Variants in C9orf43 observed in about 807,000 individuals in gnomAD.
C9orf43 encodes the protein chromosome 9 open reading frame 43.
In C9orf43, 45 loss-of-function variants were observed where a neutral mutation model predicts 59.1. The ratio of observed to expected loss-of-function variants is 0.76; its 90% CI spans 0.60 to 0.98. C9orf43 has a LOEUF of 0.98. Ranked by LOEUF, C9orf43 falls within the 50% of genes least tolerant of loss-of-function variation. The pLI is 0.00. For synonymous variants in C9orf43, 203 were observed against 196.8 expected, an observed-to-expected ratio of 1.03 and a Z score of -0.26; for missense variants, 533 against 554.9, an observed-to-expected ratio of 0.96 and a Z score of 0.40.
At chr9:113,416,899 T>C (rs1828380311) in intron 3 of C9orf43, among the ~76,000 whole-genome samples, 1 of 152,204 alleles carries the variant, frequency 6.6e-6, no homozygotes, top group Non-Finnish European at 1.5e-5. Context: ...TGTTGAGAAA[T>C]ACTGCCCTAG....
intron 1 of C9orf43, among the ~76,000 whole-genome samples, chr9:113,412,656 A>G (rs1828212915): frequency 6.6e-6 from 1 of 152,230 alleles, no homozygotes; most frequent in Non-Finnish European, 1.5e-5. Flanking sequence ...CTACTTAGGG[A>G]TTCCCTGCCT....
chr9:113,425,164 A>C, intron 9 of C9orf43, 88 bp downstream of exon 9: 1 of 1,481,602 alleles, frequency 6.7e-7, no homozygotes, highest in Non-Finnish European at 9.4e-7. Context: ...ATTCAGTTAT[A>C]TTTGTGGCCA....
chr9:113,415,587 A>G (rs1243816249), intron 3 of C9orf43, among the ~76,000 whole-genome samples: 2 of 152,168 alleles, frequency 1.3e-5, no homozygotes, highest in Non-Finnish European at 1.5e-5. Flanking sequence ...GTGAGCCACC[A>G]TGCCCGGCCC....
chr9:113,428,251 G>T (rs41297197), intron 12 of C9orf43, 28 bp downstream of exon 12: 50,127 of 1,601,938 alleles, frequency 0.031, 936 homozygotes, highest in Non-Finnish European at 0.036. Context: ...CCTCTGCTAG[G>T]ACCCAGTTTC....
rs1415415064 is a variant in C9orf43, at chr9:113,428,339, G to A, written c.1107+116G>A. On this transcript the variant is annotated intron_variant, in intron 12 of 13. Coordinates refer to ENST00000374165, the MANE Select transcript of C9orf43 (RefSeq NM_001278629.2). ...TTGCTAATGATTCTGTGGGTTGACT[G>A]GACAGTTGTTCTTCTCCTGCTTGAG... 7 of 1,032,454 alleles carry A rather than the reference G, an allele frequency of 6.8e-6. No individual in the cohort carries two copies. In the Admixed American group the frequency reaches 1.4e-4, roughly 20 times the overall value. 64.0% of individuals were successfully genotyped at this position (1,032,454 alleles called of 1,614,324 possible). A position where few individuals can be genotyped will look rare whatever the true frequency, so the allele number is the denominator to read the frequency against.
At chr9:113,413,399 G>T in intron 1 of C9orf43, 46 bp from the exon 2 acceptor site, 1 of 1,473,018 alleles carries the variant, frequency 6.8e-7, no homozygotes, top group Non-Finnish European at 9.1e-7. Context: ...TGGACTGTAT[G>T]GCTAATGTAT....
rs1828245884 is a variant in C9orf43 at position 113,413,460 on chromosome 9, C to T, written c.-34C>T. On this transcript the variant is annotated 5_prime_UTR_variant, in exon 2 of 14. An upstream open reading frame in the 5' UTR gains an earlier in-frame stop. Coordinates refer to ENST00000374165, the MANE Select transcript of C9orf43 (RefSeq NM_001278629.2). ...GATTTTCCAGAGCACTAGAATGCTG[C>T]AGGGTTGGCCTTTGGCCTAAACCAT... The T allele has an allele frequency of 6.3e-7, 1 of 1,596,270 alleles. No individual in the cohort carries two copies. The highest frequency in any genetic ancestry group is 1.3e-5 in the African/African-American group (1 of 74,602).
At position 113,413,879 on chromosome 9, in the gene C9orf43, C is replaced by G. The variant is rs767216305; in HGVS notation, c.272C>G (p.Ser91Cys). 1 of 1,609,336 alleles carries G rather than the reference C, an allele frequency of 6.2e-7. No homozygotes were observed. The highest frequency in any genetic ancestry group is 1.7e-5 in the Admixed American group (1 of 58,840). The stretch of plus-strand genomic sequence containing the variant: ...TTGTCTCAGAGTTCAAAGTTTTACT[C>G]CAAATTTCATGGCAGGTAAATTATC... ...SLLSQSSKFY[S>C]KFHGRPPKGL... The change falls in exon 3 of 14, where the codon TCC becomes TGC. Residue 91 changes from serine (S) to cysteine (C), a missense_variant. Ser to Cys is a moderately radical substitution (Grantham distance 112). Transcript: ENST00000374165.
chr9:113,413,615 C>T lies in C9orf43; in HGVS notation c.122C>T (p.Ser41Leu), dbSNP rs1828252539. ...IERGHPRILG[S>L]SCKTPLDAED... ...AGGGGCCATCCTCGAATCCTCGGCT[C>T]ATCCTGCAAAACTCCCCTGGATGCT... The change falls in exon 2 of 14, where the codon TCA becomes TTA. Residue 41 changes from serine to leucine, a missense_variant. Coordinates refer to ENST00000374165, the MANE Select transcript of C9orf43 (RefSeq NM_001278629.2). The T allele has an allele frequency of 1.9e-6, 3 of 1,614,226 alleles. No individual in the cohort carries two copies. Among genetic ancestry groups the T allele is most frequent in the South Asian group, 1.1e-5 (1 of 91,086 alleles).
At chr9:113,422,043 G>C (rs1828593287) in intron 5 of C9orf43, among the ~76,000 whole-genome samples, 1 of 152,100 alleles carries the variant, frequency 6.6e-6, no homozygotes, top group South Asian at 2.1e-4. Flanking sequence ...TGCTTTTAAG[G>C]TATAAGTTGG....
In C9orf43 at chr9:113,412,171, A is replaced by G. The variant is rs201891378; in HGVS notation, c.-50+1170A>G. On this transcript the variant is annotated intron_variant, in intron 1 of 13. Coordinates refer to ENST00000374165, the MANE Select transcript of C9orf43 (RefSeq NM_001278629.2). ...TCTGGTGGGGGAACTCCGCTTGGAT[A>G]GAACAGACCTGGCTGAAACCATCAG... Among the ~76,000 whole-genome samples the G allele has an allele frequency of 4.6e-5, 7 of 152,388 alleles. No homozygotes were observed. The East Asian group carries it at 1.3e-3, about 29-fold the overall frequency.
At chr9:113,415,058 G>A (rs963804198) in intron 3 of C9orf43, among the ~76,000 whole-genome samples, 4 of 151,864 alleles carry the variant, frequency 2.6e-5, no homozygotes, top group African/African-American at 9.7e-5. Flanking sequence ...TCTCAAACTC[G>A]TGACCTCAAG....
intron 11 of C9orf43, among the ~76,000 whole-genome samples, chr9:113,427,809 A>G (rs1306257057): frequency 6.6e-6 from 1 of 152,208 alleles, no homozygotes; most frequent in Non-Finnish European, 1.5e-5. Flanking sequence ...TGCTTTGTTT[A>G]TGGGTACATG....
chr9:113,428,352 TCTC>T (rs1419609974), intron 12 of C9orf43, 129 bp downstream of exon 12: 1 of 954,162 alleles, frequency 1.0e-6, no homozygotes, highest in African/African-American at 1.6e-5. Flanking sequence ...CAGTTGTTCT[TCTC>T]CTGCTTGAGG....
chr9:113,421,211 T>C lies in C9orf43; in HGVS notation c.446+8T>C, dbSNP rs751034084. 2.5e-6 allele frequency: 4 copies of C among 1,574,734 alleles called. No homozygotes were observed. The Admixed American group carries it at 5.0e-5, about 20-fold the overall frequency. On this transcript the variant is annotated splice_region_variant and intron_variant, in intron 5 of 13. Coordinates refer to ENST00000374165, the MANE Select transcript of C9orf43 (RefSeq NM_001278629.2). ...AACAGAGATACATGTGAGGTGAGTA[T>C]CATATCTGGAACTCAGAGGACTTTG...
intron 3 of C9orf43, among the ~76,000 whole-genome samples, chr9:113,418,824 T>A (rs906381390): frequency 1.3e-5 from 2 of 152,216 alleles, no homozygotes; most frequent in Non-Finnish European, 2.9e-5. Context: ...TTAACTTTCA[T>A]TGATGGTGAT....
chr9:113,417,246 G>A (rs1177472458), intron 3 of C9orf43, among the ~76,000 whole-genome samples: 3 of 152,182 alleles, frequency 2.0e-5, no homozygotes, highest in Non-Finnish European at 2.9e-5. Context: ...TCAAGGTTGA[G>A]TTTCCTCATT....
chr9:113,429,212 T>C lies in C9orf43; in HGVS notation c.1212T>C (p.Ile404=). The change falls in exon 14 of 14, where the codon ATT becomes ATC. Residue 404 remains isoleucine, a synonymous_variant. Transcript: ENST00000374165. ...LYETEPTNKD[I]SAPVDAVPEA... Reference sequence around the variant, plus strand: ...AAACAGAACCCACTAACAAGGACATTAGTGCTCCAGTGGACGCTGTGCCAG... The same window carrying C: ...AAACAGAACCCACTAACAAGGACATCAGTGCTCCAGTGGACGCTGTGCCAG... 1 of 1,614,182 alleles carries C rather than the reference T, an allele frequency of 6.2e-7. No homozygotes were observed. Among genetic ancestry groups the C allele is most frequent in the Non-Finnish European group, 8.5e-7 (1 of 1,180,038 alleles).
chr9:113,410,815 A>T lies in C9orf43; in HGVS notation c.-236A>T. On this transcript the variant is annotated 5_prime_UTR_variant, in exon 1 of 14. Coordinates refer to ENST00000374165, the MANE Select transcript of C9orf43 (RefSeq NM_001278629.2). The stretch of plus-strand genomic sequence containing the variant: ...ACCGCGCCGCAAGGGGCCACGTTTT[A>T]CCACTTGATTTAGCAACCCTAAGCG... 2 of 436,656 alleles carry T rather than the reference A, an allele frequency of 4.6e-6. No individual in the cohort carries two copies. Among genetic ancestry groups the T allele is most frequent in the Non-Finnish European group, 6.2e-6 (2 of 323,462 alleles). 27.0% of individuals were successfully genotyped at this position (436,656 alleles called of 1,614,324 possible).
Sources: allele counts gnomAD v4.1 joint callset (sites outside exome capture counted in the v4.1 genomes callset), GRCh38; gene constraint gnomAD v4.1.1; transcripts MANE v1.5; gene names NCBI Gene and HGNC (gene_info 2026-07-23, HGNC 2026-07-21).